HCN1: variants seen among roughly 807,000 people sequenced by gnomAD.
The protein encoded by HCN1 is hyperpolarization activated cyclic nucleotide gated potassium channel 1, also known as potassium/sodium hyperpolarization-activated cyclic nucleotide-gated channel 1.
In HCN1, 13 loss-of-function variants were observed where a neutral mutation model predicts 78.9. The observed-to-expected ratio is 0.16, with a 90% CI of 0.11 to 0.26. The LOEUF (loss-of-function observed/expected upper bound fraction) is 0.26. Among genes scored for constraint, HCN1 ranks in the 10% least tolerant of loss-of-function variants. The pLI, the probability that HCN1 is intolerant of heterozygous loss-of-function variation, is 1.00. For synonymous variants in HCN1, 552 were observed against 455.5 expected, an observed-to-expected ratio of 1.21 and a Z score of -2.70; for missense variants, 810 against 1,154.3, an observed-to-expected ratio of 0.70 and a Z score of 4.32.
intron 4 of HCN1, among the ~76,000 whole-genome samples, chr5:45,394,907 T>G (rs890326569): frequency 6.6e-6 from 1 of 152,202 alleles, no homozygotes; most frequent in Non-Finnish European, 1.5e-5. Flanking sequence ...TTTCTTGTCC[T>G]CTATCAAACA....
chr5:45,638,192 A>G (rs1432804942), intron 2 of HCN1, among the ~76,000 whole-genome samples: 1 of 152,152 alleles, frequency 6.6e-6, no homozygotes, highest in African/African-American at 2.4e-5. Context: ...ATAAGGGAAA[A>G]GGAGATTTAA....
At chr5:45,339,479 T>A (rs1746531019) in intron 5 of HCN1, among the ~76,000 whole-genome samples, 1 of 152,134 alleles carries the variant, frequency 6.6e-6, no homozygotes, top group Non-Finnish European at 1.5e-5. Context: ...ACTCTATAGA[T>A]GAAGCATTAA....
intron 2 of HCN1, among the ~76,000 whole-genome samples, chr5:45,595,894 AT>A (rs200610142): frequency 2.8e-3 from 402 of 143,940 alleles, no homozygotes; most frequent in African/African-American, 8.8e-3. Flanking sequence ...TGGACCTATG[AT>A]TTTTTTTTTT....
chr5:45,552,768 TATC>T, intron 2 of HCN1, among the ~76,000 whole-genome samples: 1 of 152,032 alleles, frequency 6.6e-6, no homozygotes, highest in African/African-American at 2.4e-5. Flanking sequence ...TTTGTAAGCT[TATC>T]ATTAAAATTC....
intron 3 of HCN1, among the ~76,000 whole-genome samples, chr5:45,447,243 C>CT (rs910826741): frequency 4.6e-5 from 7 of 151,916 alleles, no homozygotes; most frequent in South Asian, 2.1e-4. Context: ...ATCCTAGTCT[C>CT]TTTTTTTTCT....
chr5:45,380,572 T>A (rs1468858795), intron 4 of HCN1, among the ~76,000 whole-genome samples: 1 of 152,098 alleles, frequency 6.6e-6, no homozygotes, highest in Non-Finnish European at 1.5e-5. Context: ...ACATTTTTCA[T>A]CAGAAGAAAA....
At chr5:45,466,356 T>C (rs1490292252) in intron 2 of HCN1, among the ~76,000 whole-genome samples, 1 of 152,210 alleles carries the variant, frequency 6.6e-6, no homozygotes, top group Non-Finnish European at 1.5e-5. Flanking sequence ...ATATTGTGCA[T>C]TAAACTGCTT....
At chr5:45,644,915 T>C in intron 2 of HCN1, 1 of 513,440 alleles carries the variant, frequency 1.9e-6, no homozygotes, top group South Asian at 2.9e-5. Context: ...TTGATCAAGA[T>C]AATAATTGCT....
At chr5:45,429,833 C>T (rs939414171) in intron 3 of HCN1, among the ~76,000 whole-genome samples, 5 of 151,922 alleles carry the variant, frequency 3.3e-5, no homozygotes, top group African/African-American at 1.2e-4. Flanking sequence ...TGACAGTGAG[C>T]CTGGAGATGA....
Position 45,260,291 on chromosome 5 carries a change from G to A in HCN1, c.*1630C>T, listed in dbSNP as rs1210536542. The A allele has an allele frequency of 6.6e-6, 1 of 152,188 alleles. No homozygotes were observed. Among genetic ancestry groups the A allele is most frequent in the Non-Finnish European group, 1.5e-5 (1 of 68,052 alleles). 9.4% of individuals were successfully genotyped at this position (152,188 alleles called of 1,614,324 possible). On this transcript the variant is annotated 3_prime_UTR_variant, in exon 8 of 8. Coordinates refer to ENST00000303230, the MANE Select transcript of HCN1 (RefSeq NM_021072.4). ...GGTTATTTACCGCAGCCAGTTGTTAGGAATCTTTCAATTGTGTTCCAGTCA... is the reference window on the plus strand; with the variant it reads ...GGTTATTTACCGCAGCCAGTTGTTAAGAATCTTTCAATTGTGTTCCAGTCA...
chr5:45,278,008 T>C (rs1028006885), intron 6 of HCN1, among the ~76,000 whole-genome samples: 1 of 152,106 alleles, frequency 6.6e-6, no homozygotes, highest in African/African-American at 2.4e-5. Flanking sequence ...CCTGAGATAA[T>C]TTCCCTTGCT....
intron 2 of HCN1, among the ~76,000 whole-genome samples, chr5:45,464,777 C>T (rs545226362): frequency 2.6e-5 from 4 of 151,648 alleles, no homozygotes; most frequent in South Asian, 2.1e-4. Context: ...TCATTACATA[C>T]GATCTGAATA....
At chr5:45,370,690 T>A (rs115181702) in intron 4 of HCN1, among the ~76,000 whole-genome samples, 127 of 152,188 alleles carry the variant, frequency 8.3e-4, no homozygotes, top group Non-Finnish European at 1.4e-3. Flanking sequence ...TTCCAAACTA[T>A]AATGCCATAA....
chr5:45,369,682 T>A (rs1224752573), intron 4 of HCN1, among the ~76,000 whole-genome samples: 2 of 152,072 alleles, frequency 1.3e-5, no homozygotes, highest in African/African-American at 4.8e-5. Flanking sequence ...CCTGTAAAAA[T>A]TGAACATTTG....
chr5:45,676,175 A>G (rs1187425190), intron 1 of HCN1, among the ~76,000 whole-genome samples: 1 of 151,760 alleles, frequency 6.6e-6, no homozygotes, highest in Non-Finnish European at 1.5e-5. Context: ...TCAAATTTTC[A>G]CATATACTTT....
chr5:45,637,632 A>C (rs1280009458), intron 2 of HCN1, among the ~76,000 whole-genome samples: 1 of 151,610 alleles, frequency 6.6e-6, no homozygotes, highest in Non-Finnish European at 1.5e-5. Context: ...TCTACCTGAA[A>C]GAAGCAATGC....
chr5:45,692,167 T>TA (rs1437681368), intron 1 of HCN1, among the ~76,000 whole-genome samples: 2 of 152,178 alleles, frequency 1.3e-5, no homozygotes, highest in African/African-American at 4.8e-5. Context: ...GCTTGCATAA[T>TA]AAAAATCATC....
intron 4 of HCN1, among the ~76,000 whole-genome samples, chr5:45,395,006 A>T (rs1361553389): frequency 4.3e-4 from 65 of 152,196 alleles, no homozygotes; most frequent in Non-Finnish European, 8.8e-5. Context: ...AAGTGAATAC[A>T]TTGAGTTTCC....
At chr5:45,516,225 C>A (rs1026395628) in intron 2 of HCN1, among the ~76,000 whole-genome samples, 14 of 152,030 alleles carry the variant, frequency 9.2e-5, no homozygotes, top group African/African-American at 3.1e-4. Context: ...CAGTTCACAT[C>A]TTCTCTCCTT....
Sources: gnomAD v4.1 joint callset for allele counts (sites outside exome capture counted in the v4.1 genomes callset) on GRCh38, gnomAD v4.1.1 for gene constraint, MANE v1.5 for transcripts, NCBI Gene and HGNC (gene_info 2026-07-23, HGNC 2026-07-21) for gene names.